USP32: variants seen among roughly 807,000 people sequenced by gnomAD.
USP32 encodes ubiquitin specific peptidase 32, also known as ubiquitin carboxyl-terminal hydrolase 32.
In USP32, 59 loss-of-function variants were observed where a neutral mutation model predicts 204.8. That is an observed-to-expected ratio of 0.29 (90% confidence interval 0.23 to 0.36). The LOEUF is 0.36. Ranked by LOEUF, USP32 falls within the 10% of genes least tolerant of loss-of-function variation. The probability of loss-of-function intolerance (pLI) is 1.00; values close to 1 mark genes in which losing one functional copy is unlikely to be tolerated. For missense variants in USP32, 1,160 were observed against 1,946.4 expected (o/e 0.60, Z 7.60); for synonymous variants, 517 against 678.4 (o/e 0.76, Z 3.70).
intron 2 of USP32, among the ~76,000 whole-genome samples, chr17:60,331,061 A>G (rs756738383): frequency 2.0e-5 from 3 of 152,232 alleles, no homozygotes; most frequent in Non-Finnish European, 2.9e-5. Flanking sequence ...GTGACTAGGA[A>G]AAGATCATTA....
chr17:60,349,791 A>T (rs926615469), intron 1 of USP32, among the ~76,000 whole-genome samples: 2 of 149,632 alleles, frequency 1.3e-5, no homozygotes, highest in African/African-American at 4.9e-5. Flanking sequence ...AACAATGTCC[A>T]TCAACAAAGG....
At chr17:60,398,978 TTAAAAAA>T (rs1281945953) in intron 1 of USP32, among the ~76,000 whole-genome samples, 1 of 151,650 alleles carries the variant, frequency 6.6e-6, no homozygotes, top group Non-Finnish European at 1.5e-5. Flanking sequence ...GAGACTGTCT[TTAAAAAA>T]TAAAATAATA....
In USP32 at chr17:60,265,427, T is replaced by C; in HGVS notation, c.975A>G (p.Ala325=). 1.2e-6 allele frequency: 2 copies of C among 1,606,306 alleles called. No individual in the cohort carries two copies. Among genetic ancestry groups the C allele is most frequent in the Admixed American group, 3.3e-5 (2 of 59,748 alleles). ...CTAGACTCACCTTTGTGGTGTCATG[T>C]GCATTCAGTATGCCTTCTACAATAT... ...LSDIVEGILN[A]HDTTKMGHLT... The change falls in exon 9 of 34, where the codon GCA becomes GCG. Residue 325 remains alanine, a synonymous_variant. Coordinates refer to ENST00000300896, the MANE Select transcript of USP32 (RefSeq NM_032582.4).
rs532344250 is a variant in USP32 at position 60,198,795 on chromosome 17, A to C, written c.3250-351T>G. Among the ~76,000 whole-genome samples the C allele has an allele frequency of 5.9e-5, 9 of 152,346 alleles. No individual in the cohort carries two copies. The East Asian group carries it at 1.7e-3, about 29-fold the overall frequency. ...CTTCATAGCTAAGGGCTTTTAAACA[A>C]TTAAGGCTCTTTCTTTCTCCAGAAA... is the stretch of plus-strand genomic sequence containing the variant. On this transcript the variant is annotated intron_variant, in intron 26 of 33. Coordinates refer to ENST00000300896, the MANE Select transcript of USP32 (RefSeq NM_032582.4).
Position 60,304,565 on chromosome 17 carries a change from C to T in USP32, c.187-2861G>A, listed in dbSNP as rs180964559. Among the ~76,000 whole-genome samples the T allele has an allele frequency of 1.6e-3, 246 of 152,136 alleles. 2 individuals carry two copies. Among genetic ancestry groups the T allele is most frequent in the African/African-American group, 5.8e-3 (239 of 41,530 alleles). On this transcript the variant is annotated intron_variant, in intron 2 of 33. Coordinates refer to ENST00000300896, the MANE Select transcript of USP32 (RefSeq NM_032582.4). ...TTAATCACTGTGAAAGATTAACTAG[C>T]AGTCTACATCAGTAAGAGAAGAAAT...
intron 5 of USP32, among the ~76,000 whole-genome samples, chr17:60,285,298 C>T (rs2087083469): frequency 6.6e-6 from 1 of 152,114 alleles, no homozygotes; most frequent in South Asian, 2.1e-4. Context: ...AAAAGGCTTT[C>T]CTATTTAAAA....
intron 1 of USP32, among the ~76,000 whole-genome samples, chr17:60,353,464 A>G (rs2088999138): frequency 6.6e-6 from 1 of 152,138 alleles, no homozygotes; most frequent in African/African-American, 2.4e-5. Flanking sequence ...GATAGAGGCC[A>G]GTGCGGTGGC....
intron 10 of USP32, among the ~76,000 whole-genome samples, chr17:60,252,984 C>T (rs1458943652): frequency 1.3e-5 from 2 of 152,120 alleles, no homozygotes; most frequent in Middle Eastern, 3.4e-3. Context: ...AAAGCACATA[C>T]AGTAAAATGT....
chr17:60,238,735 CAG>C (rs1272167975), intron 11 of USP32, among the ~76,000 whole-genome samples: 1 of 149,476 alleles, frequency 6.7e-6, no homozygotes, highest in Non-Finnish European at 1.5e-5. Flanking sequence ...ACCCAGGAGG[CAG>C]AGTTTGCAGT....
chr17:60,285,822 T>C (rs1474928735), intron 5 of USP32, among the ~76,000 whole-genome samples: 1 of 151,990 alleles, frequency 6.6e-6, no homozygotes, highest in East Asian at 1.9e-4. Context: ...AGAGAAGGCA[T>C]TTTAGTGATA....
chr17:60,409,004 G>T (rs1290545916), intron 1 of USP32, among the ~76,000 whole-genome samples: 1 of 152,140 alleles, frequency 6.6e-6, no homozygotes, highest in Non-Finnish European at 1.5e-5. Flanking sequence ...CCAGCTTGGG[G>T]AGACACAGCT....
intron 1 of USP32, among the ~76,000 whole-genome samples, chr17:60,367,023 T>A (rs893083095): frequency 6.6e-6 from 1 of 152,116 alleles, no homozygotes; most frequent in Non-Finnish European, 1.5e-5. Flanking sequence ...GAGACGGGGT[T>A]TCACCGTGTT....
intron 15 of USP32, among the ~76,000 whole-genome samples, chr17:60,220,648 T>C (rs2085219867): frequency 7.2e-6 from 1 of 139,660 alleles, no homozygotes; most frequent in African/African-American, 2.6e-5. Flanking sequence ...CTGAAACTCC[T>C]TTTTTTTTTT....
chr17:60,299,692 G>A (rs1311904920), intron 3 of USP32, among the ~76,000 whole-genome samples: 2 of 152,202 alleles, frequency 1.3e-5, no homozygotes, highest in Admixed American at 6.5e-5. Flanking sequence ...AAGAATAGGA[G>A]GGGATTCTGA....
chr17:60,195,342 ACTCT>A (rs929596464), intron 27 of USP32, among the ~76,000 whole-genome samples: 1 of 151,590 alleles, frequency 6.6e-6, no homozygotes, highest in Admixed American at 6.6e-5. Context: ...TCTCAATCTT[ACTCT>A]CTCTCTTTTG....
chr17:60,214,739 C>A lies in USP32; in HGVS notation c.1903G>T (p.Val635Leu), dbSNP rs1182817453. Reference protein sequence around the residue: ...VPSPNAPLKRVLAYTGCFSRM... With the variant: ...VPSPNAPLKRLLAYTGCFSRM... ...CTAAAACAGCCTGTATAGGCTAATA[C>A]CCGCTTTAAAGGTGCATTCGGAGAA... is the stretch of plus-strand genomic sequence containing the variant. The change falls in exon 17 of 34, where the codon GTA becomes TTA. Residue 635 changes from valine to leucine, a missense_variant. Physicochemically the swap from Val to Leu is conservative, Grantham distance 32 (BLOSUM62 1). Coordinates refer to ENST00000300896, the MANE Select transcript of USP32 (RefSeq NM_032582.4). The A allele has an allele frequency of 1.9e-6, 3 of 1,613,906 alleles. No homozygotes were observed. Among genetic ancestry groups the A allele is most frequent in the South Asian group, 1.1e-5 (1 of 91,074 alleles).
At chr17:60,276,595 T>C (rs952749221) in intron 5 of USP32, among the ~76,000 whole-genome samples, 4 of 152,288 alleles carry the variant, frequency 2.6e-5, no homozygotes, top group African/African-American at 9.6e-5. Context: ...TACTTCTCAG[T>C]ATTGAGAATA....
rs548861925 is a variant in USP32, at chr17:60,317,982, C to T, written c.187-16278G>A. Among the ~76,000 whole-genome samples, 7 of 152,264 alleles carry T rather than the reference C, an allele frequency of 4.6e-5. No homozygotes were observed. The South Asian group carries it at 1.2e-3, about 27-fold the overall frequency. Reference sequence around the variant, plus strand: ...CCTCGGCGACAGAGCCAGACTCCGTCTCAAGAAAACAGAAAACAAACAAAC... The same window carrying T: ...CCTCGGCGACAGAGCCAGACTCCGTTTCAAGAAAACAGAAAACAAACAAAC... On this transcript the variant is annotated intron_variant, in intron 2 of 33. Transcript: ENST00000300896.
intron 5 of USP32, among the ~76,000 whole-genome samples, chr17:60,275,683 TC>T (rs1381306216): frequency 2.0e-5 from 3 of 152,108 alleles, no homozygotes; most frequent in Admixed American, 6.6e-5. Context: ...AGAACAAAGT[TC>T]CCTAAATTTC....
Sources: gnomAD v4.1 joint callset for allele counts (sites outside exome capture counted in the v4.1 genomes callset) on GRCh38, gnomAD v4.1.1 for gene constraint, MANE v1.5 for transcripts, NCBI Gene and HGNC (gene_info 2026-07-23, HGNC 2026-07-21) for gene names.